The following ARHGAP24 variants were observed in gnomAD, a reference collection of about 807,000 sequenced individuals.
ARHGAP24 encodes the protein rho GTPase-activating protein 24.
Under a neutral mutation model 76.4 loss-of-function variants are expected in ARHGAP24, and 50 were observed. That is an observed-to-expected ratio of 0.65 (90% CI 0.52 to 0.83). The LOEUF (loss-of-function observed/expected upper bound fraction) is 0.83. ARHGAP24 is among the 40% of genes least tolerant of loss of function. The pLI, the probability that ARHGAP24 is intolerant of heterozygous loss-of-function variation, is 0.00. For synonymous variants in ARHGAP24, 345 were observed against 323.3 expected, an observed-to-expected ratio of 1.07 and a Z score of -0.72; for missense variants, 930 against 914.2, an observed-to-expected ratio of 1.02 and a Z score of -0.22.
At chr4:85,957,849 G>A (rs1005657830) in intron 5 of ARHGAP24, among the ~76,000 whole-genome samples, 2 of 152,100 alleles carry the variant, frequency 1.3e-5, no homozygotes, top group Non-Finnish European at 2.9e-5. Flanking sequence ...TGTGGGACAG[G>A]GTGTAAACTA....
chr4:85,660,380 A>G (rs552431416), intron 2 of ARHGAP24, among the ~76,000 whole-genome samples: 1 of 152,266 alleles, frequency 6.6e-6, no homozygotes, highest in South Asian at 2.1e-4. Context: ...TGTATCCTCC[A>G]TGTAAGTATA....
At chr4:85,846,888 T>C (rs1730924579) in intron 3 of ARHGAP24, among the ~76,000 whole-genome samples, 1 of 152,142 alleles carries the variant, frequency 6.6e-6, no homozygotes, top group Non-Finnish European at 1.5e-5. Flanking sequence ...CAGAGAAAAA[T>C]TTACAATAAT....
At chr4:85,798,820 A>G (rs1048318735) in intron 3 of ARHGAP24, among the ~76,000 whole-genome samples, 2 of 152,146 alleles carry the variant, frequency 1.3e-5, no homozygotes, top group Non-Finnish European at 2.9e-5. Context: ...GTTCTTTTTA[A>G]TTTTTTGATT....
chr4:85,909,583 G>A (rs1309023593), intron 3 of ARHGAP24, among the ~76,000 whole-genome samples: 1 of 152,144 alleles, frequency 6.6e-6, no homozygotes, highest in Non-Finnish European at 1.5e-5. Context: ...CCCCCAAACA[G>A]CGACTGGTTT....
chr4:85,896,208 G>GT (rs1734170444), intron 3 of ARHGAP24, among the ~76,000 whole-genome samples: 1 of 152,178 alleles, frequency 6.6e-6, no homozygotes. Context: ...ACCTGATGTA[G>GT]TTTAACTTTT....
chr4:85,637,520 C>A (rs1054189982), intron 2 of ARHGAP24, among the ~76,000 whole-genome samples: 1 of 152,038 alleles, frequency 6.6e-6, no homozygotes, highest in Admixed American at 6.6e-5. Flanking sequence ...AATAGCCATA[C>A]ATTGTAACCA....
At chr4:85,925,724 A>G (rs939743422) in intron 4 of ARHGAP24, among the ~76,000 whole-genome samples, 2 of 152,220 alleles carry the variant, frequency 1.3e-5, no homozygotes, top group Non-Finnish European at 2.9e-5. Context: ...AGGGTTCAGT[A>G]ATATCTGAGA....
At position 85,776,748 on chromosome 4, in the gene ARHGAP24, C is replaced by T. The variant is rs546189760; in HGVS notation, c.268+54776C>T. On this transcript the variant is annotated intron_variant, in intron 3 of 9. Transcript: ENST00000395184. ...ACTTCTCTTCACTCTTTCCTTCCTT[C>T]CTGCAGCCATTTAACCCTCTGAATC... 3.9e-5 allele frequency among the ~76,000 whole-genome samples: 6 copies of T among 152,168 alleles called. No homozygotes were observed. The South Asian group carries it at 6.2e-4, about 16-fold the overall frequency.
intron 2 of ARHGAP24, among the ~76,000 whole-genome samples, chr4:85,677,201 T>C (rs1399905807): frequency 1.3e-5 from 2 of 152,278 alleles, no homozygotes; most frequent in Non-Finnish European, 2.9e-5. Flanking sequence ...TTTGCTCTTC[T>C]CTCTTTATCC....
At chr4:85,833,503 A>C (rs940670432) in intron 3 of ARHGAP24, among the ~76,000 whole-genome samples, 1 of 152,028 alleles carries the variant, frequency 6.6e-6, no homozygotes, top group African/African-American at 2.4e-5. Flanking sequence ...AACAACAACA[A>C]CACTTGTGTC....
chr4:85,606,524 A>G (rs1009613898), intron 2 of ARHGAP24, among the ~76,000 whole-genome samples: 1 of 141,368 alleles, frequency 7.1e-6, no homozygotes. Flanking sequence ...AAAAAAAAAA[A>G]GGAAAAGAAA....
intron 1 of ARHGAP24, among the ~76,000 whole-genome samples, chr4:85,555,408 G>A (rs983240746): frequency 9.2e-5 from 14 of 152,188 alleles, no homozygotes; most frequent in African/African-American, 3.1e-4. Context: ...GCAGAAGGTG[G>A]CCTATATTAG....
intron 2 of ARHGAP24, among the ~76,000 whole-genome samples, chr4:85,683,117 T>TGGGGGGGGGGGG (rs201448168): frequency 2.8e-4 from 16 of 56,928 alleles, no homozygotes; most frequent in Admixed American, 5.2e-4. Context: ...TGTGGGGGGG[T>TGGGGGGGGGGGG]GGGGGGGGGG....
chr4:85,586,825 G>A (rs1727882211), intron 2 of ARHGAP24, among the ~76,000 whole-genome samples: 1 of 152,160 alleles, frequency 6.6e-6, no homozygotes, highest in African/African-American at 2.4e-5. Flanking sequence ...TTGAACCTGG[G>A]AGGTGGATGT....
chr4:85,520,615 A>G (rs1421968465), intron 1 of ARHGAP24, among the ~76,000 whole-genome samples: 1 of 152,140 alleles, frequency 6.6e-6, no homozygotes, highest in South Asian at 2.1e-4. Flanking sequence ...TTATGCTACA[A>G]TAAGCCCTTG....
At chr4:85,942,032 T>C in intron 4 of ARHGAP24, 34 bp from the exon 5 acceptor site, 1 of 1,599,046 alleles carries the variant, frequency 6.3e-7, no homozygotes, top group South Asian at 1.1e-5. Flanking sequence ...AAGAGATAAA[T>C]TTCCCAAGTT....
intron 3 of ARHGAP24, among the ~76,000 whole-genome samples, chr4:85,873,052 T>C (rs1000118094): frequency 6.6e-6 from 1 of 152,168 alleles, no homozygotes; most frequent in Non-Finnish European, 1.5e-5. Flanking sequence ...GGCATCAGTG[T>C]TAGATACAAA....
chr4:85,741,962 A>G (rs1166507678), intron 3 of ARHGAP24, among the ~76,000 whole-genome samples: 1 of 152,202 alleles, frequency 6.6e-6, no homozygotes, highest in Non-Finnish European at 1.5e-5. Flanking sequence ...CTCTTTTCCA[A>G]TGAGAGGATT....
intron 1 of ARHGAP24, among the ~76,000 whole-genome samples, chr4:85,544,950 AG>A (rs5859982): frequency 0.12 from 18,523 of 151,628 alleles, 3,200 homozygotes; most frequent in African/African-American, 0.39. Context: ...CCTAGCATCT[AG>A]GGAGGCCTGA....
Sources: allele counts gnomAD v4.1 joint callset (sites outside exome capture counted in the v4.1 genomes callset), GRCh38; gene constraint gnomAD v4.1.1; transcripts MANE v1.5; gene names NCBI Gene and HGNC (gene_info 2026-07-23, HGNC 2026-07-21).